Variants in TEAD1 observed in about 807,000 individuals in gnomAD.
The protein encoded by TEAD1 is transcriptional enhancer factor TEF-1.
TEAD1 carries 9 observed loss-of-function variants against 54.9 expected under a neutral mutation model. The observed-to-expected ratio is 0.16, with a 90% CI of 0.10 to 0.29. TEAD1 has a LOEUF of 0.29. Ranked by LOEUF, TEAD1 falls within the 10% of genes least tolerant of loss-of-function variation. TEAD1 has a pLI of 1.00. For synonymous variants in TEAD1, 200 were observed against 187.8 expected, an observed-to-expected ratio of 1.07 and a Z score of -0.53; for missense variants, 387 against 535.9, an observed-to-expected ratio of 0.72 and a Z score of 2.74.
In TEAD1 at chr11:12,939,630, C is replaced by G. The variant is rs1413671518; in HGVS notation, c.*2408C>G. 6 of 152,310 alleles carry G rather than the reference C, an allele frequency of 3.9e-5. No individual in the cohort carries two copies. Among genetic ancestry groups the G allele is most frequent in the Non-Finnish European group, 8.8e-5 (6 of 68,104 alleles). 9.4% of individuals were successfully genotyped at this position (152,310 alleles called of 1,614,324 possible). On this transcript the variant is annotated 3_prime_UTR_variant, in exon 13 of 13. Transcript: ENST00000527636. ...GGTCAGCTGGGCCCCCCTGGTGCTTCACCACCTGCATCCTCTTGCTCAGAA... is the reference window on the plus strand; with the variant it reads ...GGTCAGCTGGGCCCCCCTGGTGCTTGACCACCTGCATCCTCTTGCTCAGAA...
chr11:12,883,417 A>AT (rs1564976141), intron 9 of TEAD1, among the ~76,000 whole-genome samples: 1 of 152,202 alleles, frequency 6.6e-6, no homozygotes, highest in Non-Finnish European at 1.5e-5. Flanking sequence ...GTTTTGTAAA[A>AT]TTTAACAAGA....
chr11:12,783,873 A>G (rs1181962603), intron 3 of TEAD1, among the ~76,000 whole-genome samples: 1 of 152,158 alleles, frequency 6.6e-6, no homozygotes, highest in Non-Finnish European at 1.5e-5. Flanking sequence ...AGTGCCAGGC[A>G]AGGATGTTCG....
chr11:12,888,338 A>G (rs1256946568), intron 9 of TEAD1, among the ~76,000 whole-genome samples: 1 of 152,132 alleles, frequency 6.6e-6, no homozygotes, highest in Non-Finnish European at 1.5e-5. Context: ...GTGAAACCCT[A>G]TCTCTACTAA....
chr11:12,802,988 T>C (rs539154530), intron 3 of TEAD1, among the ~76,000 whole-genome samples: 2 of 152,136 alleles, frequency 1.3e-5, no homozygotes, highest in African/African-American at 2.4e-5. Context: ...ATTGTCAAGA[T>C]AGAAAAAAAC....
intron 5 of TEAD1, among the ~76,000 whole-genome samples, chr11:12,866,943 T>G (rs1947630791): frequency 6.6e-6 from 1 of 152,120 alleles, no homozygotes; most frequent in African/African-American, 2.4e-5. Flanking sequence ...AAATGAAATG[T>G]GGGGTGCATC....
chr11:12,680,481 C>G (rs1293854533), intron 2 of TEAD1, among the ~76,000 whole-genome samples: 3 of 152,168 alleles, frequency 2.0e-5, no homozygotes, highest in African/African-American at 7.2e-5. Context: ...AGCCACTCCC[C>G]GAGGCCCGCC....
chr11:12,885,029 C>T (rs2134102903), intron 9 of TEAD1, among the ~76,000 whole-genome samples: 1 of 152,190 alleles, frequency 6.6e-6, no homozygotes, highest in South Asian at 2.1e-4. Flanking sequence ...TCATTCTGTC[C>T]TTACAGTGCC....
At chr11:12,897,219 CT>C (rs1442387419) in intron 9 of TEAD1, among the ~76,000 whole-genome samples, 2 of 152,196 alleles carry the variant, frequency 1.3e-5, no homozygotes, top group East Asian at 3.9e-4. Context: ...GCCACCTTCA[CT>C]TTTGGGGAAA....
chr11:12,861,189 A>G (rs748128770), intron 3 of TEAD1, among the ~76,000 whole-genome samples: 3 of 152,194 alleles, frequency 2.0e-5, no homozygotes, highest in Non-Finnish European at 4.4e-5. Flanking sequence ...GTCTTGTATG[A>G]GTGGTTTTTA....
intron 3 of TEAD1, among the ~76,000 whole-genome samples, chr11:12,776,110 A>G (rs1426620505): frequency 6.6e-6 from 1 of 152,082 alleles, no homozygotes; most frequent in African/African-American, 2.4e-5. Flanking sequence ...AGAGAGTGGC[A>G]GTGCTAGGGC....
intron 5 of TEAD1, among the ~76,000 whole-genome samples, chr11:12,868,105 C>A (rs1589941863): frequency 6.6e-6 from 1 of 152,204 alleles, no homozygotes; most frequent in African/African-American, 2.4e-5. Context: ...GGCTTACCCG[C>A]AATGGAGGCC....
At chr11:12,719,343 A>G (rs550178589) in intron 2 of TEAD1, among the ~76,000 whole-genome samples, 5 of 152,180 alleles carry the variant, frequency 3.3e-5, no homozygotes, top group Admixed American at 3.3e-4. Context: ...GGAGTAGGGA[A>G]AGTGGCTTCT....
chr11:12,925,708 T>C (rs981429875), intron 11 of TEAD1, among the ~76,000 whole-genome samples: 1 of 152,108 alleles, frequency 6.6e-6, no homozygotes, highest in African/African-American at 2.4e-5. Context: ...TAGTGTGGTA[T>C]GAAAGCTGGG....
At chr11:12,828,816 T>C (rs1354565943) in intron 3 of TEAD1, among the ~76,000 whole-genome samples, 1 of 150,440 alleles carries the variant, frequency 6.6e-6, no homozygotes, top group African/African-American at 2.4e-5. Flanking sequence ...CTGTATAGCC[T>C]TACTCCTGAC....
chr11:12,880,868 C>T, intron 6 of TEAD1, 137 bp from the exon 7 acceptor site: 3 of 969,858 alleles, frequency 3.1e-6, no homozygotes, highest in South Asian at 2.6e-5. Flanking sequence ...GTGGTGACCG[C>T]ATTTGCACTC....
intron 5 of TEAD1, among the ~76,000 whole-genome samples, chr11:12,875,279 A>G (rs1451867622): frequency 1.3e-5 from 2 of 152,236 alleles, no homozygotes; most frequent in African/African-American, 4.8e-5. Context: ...CGAATGCTTT[A>G]AAGTCTGGGA....
chr11:12,808,245 G>GGTC (rs1554936188), intron 3 of TEAD1, among the ~76,000 whole-genome samples: 1 of 107,736 alleles, frequency 9.3e-6, no homozygotes, highest in Admixed American at 1.0e-4. Flanking sequence ...GGAAATTATA[G>GGTC]GTCATAGTAG....
chr11:12,724,128 A>G (rs565032229), intron 2 of TEAD1, among the ~76,000 whole-genome samples: 1 of 152,270 alleles, frequency 6.6e-6, no homozygotes, highest in Non-Finnish European at 1.5e-5. Context: ...GCCCAAGTCT[A>G]GCCTTCCAGT....
At chr11:12,708,989 T>C (rs567610323) in intron 2 of TEAD1, among the ~76,000 whole-genome samples, 2 of 152,340 alleles carry the variant, frequency 1.3e-5, no homozygotes, top group South Asian at 4.1e-4. Context: ...GTAAAGACCC[T>C]CATTTTCTAC....
Sources: allele counts gnomAD v4.1 joint callset (sites outside exome capture counted in the v4.1 genomes callset), GRCh38; gene constraint gnomAD v4.1.1; transcripts MANE v1.5; gene names NCBI Gene and HGNC (gene_info 2026-07-23, HGNC 2026-07-21).